The following NAALADL2 variants were observed in gnomAD, a reference collection of about 807,000 sequenced individuals.
The protein encoded by NAALADL2 is N-acetylated alpha-linked acidic dipeptidase like 2, also known as inactive N-acetylated-alpha-linked acidic dipeptidase-like protein 2.
NAALADL2 carries 76 observed loss-of-function variants against 87.2 expected under a neutral mutation model. That is an observed-to-expected ratio of 0.87 (90% CI 0.72 to 1.05). The LOEUF (loss-of-function observed/expected upper bound fraction) is 1.05. NAALADL2 is among the 50% of genes least tolerant of loss of function. The pLI is 0.00. For missense variants in NAALADL2, 1,089 were observed against 945.8 expected (o/e 1.15, Z -1.99); for synonymous variants, 354 against 331.0 (o/e 1.07, Z -0.75).
chr3:174,786,672 A>G (rs564378), intron 3 of NAALADL2, among the ~76,000 whole-genome samples: 78,236 of 151,642 alleles, frequency 0.52, 20,684 homozygotes, highest in South Asian at 0.66. Context: ...GAAGGACAAG[A>G]CACATTGACT....
intron 1 of NAALADL2, among the ~76,000 whole-genome samples, chr3:174,545,163 C>T (rs1054156141): frequency 6.6e-5 from 10 of 152,190 alleles, no homozygotes; most frequent in African/African-American, 2.4e-4. Flanking sequence ...CAGGCACGAG[C>T]CACTGTGCCT....
chr3:174,514,907 A>T (rs1313635398), intron 1 of NAALADL2, among the ~76,000 whole-genome samples: 1 of 152,134 alleles, frequency 6.6e-6, no homozygotes, highest in African/African-American at 2.4e-5. Context: ...AGGCTGGTCA[A>T]AAGAAATACT....
chr3:175,108,584 ACT>A (rs1445221184), intron 2 of NAALADL2, among the ~76,000 whole-genome samples: 2 of 151,878 alleles, frequency 1.3e-5, no homozygotes, highest in African/African-American at 4.8e-5. Flanking sequence ...CATCATATTA[ACT>A]CTATTCTGTA....
At chr3:174,544,369 T>A (rs529668556) in intron 1 of NAALADL2, among the ~76,000 whole-genome samples, 15 of 152,250 alleles carry the variant, frequency 9.9e-5, no homozygotes, top group African/African-American at 3.6e-4. Flanking sequence ...ATATTTATAA[T>A]AACTATGTGA....
At chr3:175,613,720 C>A (rs1017910038) in intron 10 of NAALADL2, among the ~76,000 whole-genome samples, 2 of 152,202 alleles carry the variant, frequency 1.3e-5, no homozygotes, top group East Asian at 3.9e-4. Context: ...GCAAGATATT[C>A]GAACTCACTG....
chr3:174,910,186 G>T (rs1007595763), intron 1 of NAALADL2, among the ~76,000 whole-genome samples: 1 of 151,908 alleles, frequency 6.6e-6, no homozygotes, highest in South Asian at 2.1e-4. Context: ...ATCACATAGA[G>T]ATCGTCAGAA....
At chr3:175,088,257 A>C (rs1719428530) in intron 1 of NAALADL2, among the ~76,000 whole-genome samples, 1 of 152,198 alleles carries the variant, frequency 6.6e-6, no homozygotes, top group Non-Finnish European at 1.5e-5. Flanking sequence ...TGGGTCCTTA[A>C]AGAATAGATT....
chr3:174,691,437 C>CAAAA (rs71759755), intron 2 of NAALADL2, among the ~76,000 whole-genome samples: 10 of 148,370 alleles, frequency 6.7e-5, no homozygotes, highest in African/African-American at 1.5e-4. Context: ...ATAAAACCCA[C>CAAAA]AAAAAAAAAA....
At chr3:175,201,641 T>C (rs1412742292) in intron 2 of NAALADL2, among the ~76,000 whole-genome samples, 1 of 152,188 alleles carries the variant, frequency 6.6e-6, no homozygotes, top group East Asian at 1.9e-4. Flanking sequence ...ATTTAGATTT[T>C]TTCCAATTCT....
At chr3:174,506,726 C>T (rs1384379215) in intron 1 of NAALADL2, among the ~76,000 whole-genome samples, 2 of 152,012 alleles carry the variant, frequency 1.3e-5, no homozygotes, top group Admixed American at 6.6e-5. Context: ...GAAAGTGCAC[C>T]TTTATCACAC....
intron 5 of NAALADL2, among the ~76,000 whole-genome samples, chr3:175,360,693 C>T (rs1764887724): frequency 1.3e-5 from 2 of 151,994 alleles, no homozygotes; most frequent in Admixed American, 6.6e-5. Context: ...TGCAGTGTTA[C>T]AGATTCAATC....
intron 2 of NAALADL2, among the ~76,000 whole-genome samples, chr3:175,182,889 T>C (rs1303438907): frequency 1.3e-5 from 2 of 152,050 alleles, no homozygotes; most frequent in Non-Finnish European, 2.9e-5. Context: ...CCATATATTT[T>C]ATCCATTTTT....
intron 13 of NAALADL2, among the ~76,000 whole-genome samples, chr3:175,769,180 T>C (rs866893551): frequency 1.3e-5 from 2 of 152,344 alleles, no homozygotes; most frequent in African/African-American, 4.8e-5. Context: ...ATTATACTTA[T>C]TAATTCAGCA....
At chr3:175,331,277 G>A (rs1489556850) in intron 5 of NAALADL2, among the ~76,000 whole-genome samples, 3 of 152,090 alleles carry the variant, frequency 2.0e-5, no homozygotes, top group African/African-American at 7.2e-5. Flanking sequence ...TGAAGAGGAA[G>A]AAATTCTTCA....
At chr3:174,864,734 T>G (rs1362514452) in intron 1 of NAALADL2, among the ~76,000 whole-genome samples, 1 of 152,120 alleles carries the variant, frequency 6.6e-6, no homozygotes, top group Non-Finnish European at 1.5e-5. Context: ...TTGTATGCTA[T>G]TCTCTGGATT....
intron 1 of NAALADL2, among the ~76,000 whole-genome samples, chr3:174,501,561 T>G (rs956206011): frequency 6.6e-6 from 1 of 152,188 alleles, no homozygotes; most frequent in African/African-American, 2.4e-5. Flanking sequence ...TAACTACAAA[T>G]TCAATTTCTT....
chr3:174,708,960 T>C (rs940623132), intron 2 of NAALADL2, among the ~76,000 whole-genome samples: 13 of 152,116 alleles, frequency 8.5e-5, no homozygotes, highest in African/African-American at 3.1e-4. Flanking sequence ...TTTCTCATTA[T>C]AGTGGAGAAG....
chr3:174,467,545 G>T (rs555846636), intron 1 of NAALADL2, among the ~76,000 whole-genome samples: 1 of 145,106 alleles, frequency 6.9e-6, no homozygotes, highest in Non-Finnish European at 1.5e-5. Context: ...GTGAGCTGAG[G>T]TTGCACCATT....
chr3:174,723,889 T>A (rs1000424044), intron 2 of NAALADL2, among the ~76,000 whole-genome samples: 8 of 151,636 alleles, frequency 5.3e-5, no homozygotes, highest in Non-Finnish European at 1.2e-4. Flanking sequence ...TATAATAAAT[T>A]CAAGGTTTGG....
Sources: allele counts gnomAD v4.1 joint callset (sites outside exome capture counted in the v4.1 genomes callset), GRCh38; gene constraint gnomAD v4.1.1; transcripts MANE v1.5; gene names NCBI Gene and HGNC (gene_info 2026-07-23, HGNC 2026-07-21).